The following NAV3 variants were observed in gnomAD, a reference collection of about 807,000 sequenced individuals.
NAV3 encodes the protein pore membrane and/or filament interacting like protein 1.
In NAV3, 87 loss-of-function variants were observed where a neutral mutation model predicts 244.7. That is an observed-to-expected ratio of 0.36 (90% CI 0.30 to 0.42). The LOEUF (loss-of-function observed/expected upper bound fraction) is 0.42. NAV3 is among the 20% of genes least tolerant of loss of function. The probability of loss-of-function intolerance (pLI) is 1.00; values close to 1 mark genes in which losing one functional copy is unlikely to be tolerated. For missense variants in NAV3, 2,663 were observed against 2,893.3 expected, an observed-to-expected ratio of 0.92 and a Z score of 1.83; for synonymous variants, 1,126 against 1,042.2, an observed-to-expected ratio of 1.08 and a Z score of -1.55.
At chr12:77,864,408 T>G (rs1254194151) in intron 1 of NAV3, among the ~76,000 whole-genome samples, 1 of 151,946 alleles carries the variant, frequency 6.6e-6, no homozygotes, top group Non-Finnish European at 1.5e-5. Context: ...AAGTATCACA[T>G]GTACACTAGC....
intron 32 of NAV3, 115 bp from the exon 33 acceptor site, chr12:78,188,494 T>C (rs1260637225): frequency 1.3e-5 from 15 of 1,192,532 alleles, no homozygotes; most frequent in Non-Finnish European, 1.5e-5. Context: ...ACAGTTCTTA[T>C]ATTACCCATT....
intron 2 of NAV3, among the ~76,000 whole-genome samples, chr12:77,644,600 A>T (rs1357762988): frequency 6.6e-6 from 1 of 151,994 alleles, no homozygotes; most frequent in Admixed American, 6.6e-5. Context: ...CTTAAAAAAT[A>T]TTTTTTTATC....
chr12:77,971,474 T>G (rs1306855802), intron 5 of NAV3, among the ~76,000 whole-genome samples: 1 of 152,060 alleles, frequency 6.6e-6, no homozygotes, highest in East Asian at 1.9e-4. Context: ...TTATTTTTAT[T>G]TATATAGATT....
At chr12:78,132,816 T>G (rs570049348) in intron 18 of NAV3, among the ~76,000 whole-genome samples, 49 of 152,284 alleles carry the variant, frequency 3.2e-4, no homozygotes, top group Middle Eastern at 3.4e-3. Flanking sequence ...CTAGACCATA[T>G]AGCCACCTGA....
At chr12:77,977,194 A>T (rs548577526) in intron 5 of NAV3, among the ~76,000 whole-genome samples, 1 of 152,132 alleles carries the variant, frequency 6.6e-6, no homozygotes, top group African/African-American at 2.4e-5. Context: ...TGCACTGGAG[A>T]CTTTGATGAG....
intron 2 of NAV3, among the ~76,000 whole-genome samples, chr12:77,611,251 T>A (rs983002523): frequency 1.1e-4 from 17 of 152,034 alleles, no homozygotes; most frequent in Non-Finnish European, 1.9e-4. Context: ...TTTCTAATTT[T>A]CTATTTATTT....
At chr12:77,973,113 G>T (rs145015082) in intron 5 of NAV3, among the ~76,000 whole-genome samples, 2 of 152,032 alleles carry the variant, frequency 1.3e-5, no homozygotes, top group African/African-American at 4.8e-5. Context: ...TTTAAAAGAC[G>T]TGATTTTTCT....
At chr12:77,943,659 G>A (rs1439548856) in intron 3 of NAV3, among the ~76,000 whole-genome samples, 4 of 152,172 alleles carry the variant, frequency 2.6e-5, no homozygotes, top group Non-Finnish European at 5.9e-5. Context: ...CAAACAGGAT[G>A]TTGCCTGTTC....
At chr12:77,818,838 A>G (rs920412147) in intron 2 of NAV3, among the ~76,000 whole-genome samples, 14 of 152,280 alleles carry the variant, frequency 9.2e-5, no homozygotes, top group Middle Eastern at 3.4e-3. Context: ...TTATATAAAG[A>G]ATATGAAAAT....
chr12:77,963,693 A>G (rs1892238011), intron 3 of NAV3, among the ~76,000 whole-genome samples: 1 of 151,830 alleles, frequency 6.6e-6, no homozygotes, highest in African/African-American at 2.4e-5. Flanking sequence ...GGGGAACATA[A>G]CTAACTATCT....
intron 2 of NAV3, among the ~76,000 whole-genome samples, chr12:77,649,128 A>G (rs2136982674): frequency 6.6e-6 from 1 of 152,296 alleles, no homozygotes; most frequent in South Asian, 2.1e-4. Context: ...CTTTACAGAG[A>G]GACCACACTG....
intron 2 of NAV3, among the ~76,000 whole-genome samples, chr12:77,630,774 A>C (rs560871250): frequency 1.3e-5 from 2 of 152,282 alleles, no homozygotes; most frequent in South Asian, 4.1e-4. Flanking sequence ...GCTTTATTTC[A>C]ATAAAATTTG....
At chr12:77,728,570 G>A (rs916566961) in intron 2 of NAV3, among the ~76,000 whole-genome samples, 14 of 151,860 alleles carry the variant, frequency 9.2e-5, no homozygotes, top group South Asian at 2.1e-4. Context: ...GGGTAATACC[G>A]ATTGAATTTT....
intron 2 of NAV3, among the ~76,000 whole-genome samples, chr12:77,683,652 T>A (rs935567256): frequency 6.6e-6 from 1 of 152,194 alleles, no homozygotes; most frequent in Non-Finnish European, 1.5e-5. Context: ...ACAATATTTT[T>A]AATTATTATT....
intron 24 of NAV3, among the ~76,000 whole-genome samples, chr12:78,171,619 T>C (rs1044961340): frequency 1.3e-5 from 2 of 151,640 alleles, no homozygotes; most frequent in Admixed American, 1.3e-4. Context: ...GCATTAAATT[T>C]AATGAACACA....
At chr12:78,065,999 C>T (rs960101421) in intron 12 of NAV3, among the ~76,000 whole-genome samples, 1 of 152,038 alleles carries the variant, frequency 6.6e-6, no homozygotes, top group Non-Finnish European at 1.5e-5. Context: ...AAACCTAGTC[C>T]CCCTTGTGAT....
intron 9 of NAV3, 31 bp downstream of exon 9, chr12:78,021,893 C>T (rs909342054): frequency 2.2e-6 from 3 of 1,389,248 alleles, no homozygotes; most frequent in African/African-American, 1.4e-5. Context: ...ATAGGTCAAA[C>T]CTAGGAATTT....
chr12:77,634,232 T>A (rs1872053705), intron 2 of NAV3, among the ~76,000 whole-genome samples: 2 of 152,112 alleles, frequency 1.3e-5, no homozygotes, highest in African/African-American at 4.8e-5. Context: ...CAGTAAACAG[T>A]GGCTCTTTTA....
chr12:77,671,525 C>T (rs564700528), intron 2 of NAV3, among the ~76,000 whole-genome samples: 10 of 152,064 alleles, frequency 6.6e-5, no homozygotes, highest in Non-Finnish European at 1.5e-4. Flanking sequence ...ACTATAATGC[C>T]GTGGTCACCA....
Sources: gnomAD v4.1 joint callset for allele counts (sites outside exome capture counted in the v4.1 genomes callset) on GRCh38, gnomAD v4.1.1 for gene constraint, MANE v1.5 for transcripts, NCBI Gene and HGNC (gene_info 2026-07-23, HGNC 2026-07-21) for gene names.